The following ADAM9 variants were observed in gnomAD, a reference collection of about 807,000 sequenced individuals.
ADAM9 encodes the protein ADAM metallopeptidase domain 9, also known as disintegrin and metalloproteinase domain-containing protein 9.
ADAM9 carries 54 observed loss-of-function variants against 108.1 expected under a neutral mutation model. That is an observed-to-expected ratio of 0.50 (90% confidence interval 0.40 to 0.63). The LOEUF is 0.63. Among genes scored for constraint, ADAM9 ranks in the 20% least tolerant of loss-of-function variants. ADAM9 has a pLI of 0.00. For missense variants in ADAM9, 830 were observed against 997.7 expected (o/e 0.83, Z 2.26); for synonymous variants, 316 against 336.0 (o/e 0.94, Z 0.65).
At position 38,997,162 on chromosome 8, in the gene ADAM9, T is replaced by C. The variant is rs1196120843; in HGVS notation, c.97+2T>C. The C allele has an allele frequency of 6.3e-7, 1 of 1,596,430 alleles. No individual in the cohort carries two copies. The highest frequency in any genetic ancestry group is 1.3e-5 in the African/African-American group (1 of 74,534). On this transcript the variant is annotated splice_donor_variant, in intron 1 of 21. Coordinates refer to ENST00000487273, the MANE Select transcript of ADAM9 (RefSeq NM_003816.3). LOFTEE classifies it high-confidence loss of function. ...CAGTCCTCGGTGCGGCGCGGCCAGG[T>C]GGGTGTCCGCGCCCCGGGTCGGTTG...
At chr8:39,067,990 C>T (rs556133130) in intron 14 of ADAM9, among the ~76,000 whole-genome samples, 48 of 152,228 alleles carry the variant, frequency 3.2e-4, no homozygotes, top group Non-Finnish European at 5.7e-4. Flanking sequence ...TTTTCTGCAT[C>T]TGTTGAGATA....
At chr8:39,097,862 C>A (rs752730273) in intron 20 of ADAM9, among the ~76,000 whole-genome samples, 2 of 152,124 alleles carry the variant, frequency 1.3e-5, no homozygotes, top group Non-Finnish European at 2.9e-5. Flanking sequence ...TCACAAATGA[C>A]TTTTGTGAAA....
At chr8:39,075,325 T>C (rs1173760982) in intron 15 of ADAM9, among the ~76,000 whole-genome samples, 1 of 152,230 alleles carries the variant, frequency 6.6e-6, no homozygotes, top group Non-Finnish European at 1.5e-5. Flanking sequence ...TTAGTGATAC[T>C]AAGTGGCAAT....
chr8:39,087,961 A>G lies in ADAM9; in HGVS notation c.2069-2086A>G, dbSNP rs116440631. The stretch of plus-strand genomic sequence containing the variant: ...ACCATAGATTTTGTCTGTTATATGT[A>G]TTATATACTGTATTATTATAATAAA... On this transcript the variant is annotated intron_variant, in intron 18 of 21. Coordinates refer to ENST00000487273, the MANE Select transcript of ADAM9 (RefSeq NM_003816.3). Among the ~76,000 whole-genome samples the G allele has an allele frequency of 8.1e-3, 1,237 of 152,278 alleles. 19 individuals are homozygous for G. Among genetic ancestry groups the G allele is most frequent in the African/African-American group, 0.028 (1,182 of 41,532 alleles).
intron 11 of ADAM9, 144 bp downstream of exon 11, chr8:39,026,954 G>A: frequency 3.1e-6 from 3 of 954,008 alleles, no homozygotes; most frequent in Non-Finnish European, 4.6e-6. Flanking sequence ...ATACCAATGA[G>A]AAGTCTTTTT....
intron 15 of ADAM9, among the ~76,000 whole-genome samples, chr8:39,071,754 T>C (rs6474523): frequency 0.79 from 120,726 of 152,132 alleles, 48,098 homozygotes; most frequent in East Asian, 0.94. Flanking sequence ...CGTGAGCCAC[T>C]GTGCCCGGCC....
intron 11 of ADAM9, among the ~76,000 whole-genome samples, chr8:39,029,380 T>A (rs73602703): frequency 1.8e-3 from 275 of 152,288 alleles, no homozygotes; most frequent in African/African-American, 6.3e-3. Context: ...ATAGAGAGGG[T>A]TCCAGGTGAA....
At chr8:39,055,852 A>G in intron 14 of ADAM9, 80 bp downstream of exon 14, 2 of 1,399,992 alleles carry the variant, frequency 1.4e-6, no homozygotes, top group Non-Finnish European at 9.8e-7. Context: ...GTAATGAAAC[A>G]TTATTGATAA....
At chr8:39,076,188 T>A (rs1838845325) in intron 15 of ADAM9, 1 of 152,194 alleles carries the variant, frequency 6.6e-6, no homozygotes, top group African/African-American at 2.4e-5. Context: ...GCACTATGCT[T>A]CAAGAGGCAG....
chr8:39,045,198 GTGTATATATGTGTATACATA>G (rs1837647583), intron 12 of ADAM9, among the ~76,000 whole-genome samples: 1 of 92,054 alleles, frequency 1.1e-5, no homozygotes, highest in Non-Finnish European at 2.6e-5. Context: ...ATACATATAT[GTGTATATATGTGTATACATA>G]CATATATGTG....
chr8:39,016,095 A>G (rs780892383), intron 4 of ADAM9, 23 bp from the exon 5 acceptor site: 2 of 1,600,520 alleles, frequency 1.2e-6, no homozygotes, highest in Middle Eastern at 1.7e-4. Context: ...ATATTTGAAG[A>G]TAATACAGTA....
chr8:39,021,165 G>T (rs1476046197), intron 7 of ADAM9, among the ~76,000 whole-genome samples: 1 of 152,134 alleles, frequency 6.6e-6, no homozygotes, highest in Non-Finnish European at 1.5e-5. Flanking sequence ...TTTTATTCCT[G>T]TCACTACAAT....
rs558444403 is a variant in ADAM9, at chr8:39,028,822, A to G, written c.1130+2012A>G. Among the ~76,000 whole-genome samples, 125 of 152,302 alleles carry G rather than the reference A, an allele frequency of 8.2e-4. 1 individual carries two copies. The highest frequency in any genetic ancestry group is 2.9e-3 in the African/African-American group (121 of 41,576). ...TAGAAGGCGATAAGTGCTATGGGAAATAAAATAGAGCAGAATGTGGAGGAT... is the reference window on the plus strand; with the variant it reads ...TAGAAGGCGATAAGTGCTATGGGAAGTAAAATAGAGCAGAATGTGGAGGAT... On this transcript the variant is annotated intron_variant, in intron 11 of 21. Coordinates refer to ENST00000487273, the MANE Select transcript of ADAM9 (RefSeq NM_003816.3).
At chr8:39,054,445 C>T in intron 12 of ADAM9, 36 bp from the exon 13 acceptor site, 1 of 1,540,416 alleles carries the variant, frequency 6.5e-7, no homozygotes, top group South Asian at 1.1e-5. Flanking sequence ...ATGTCAATTA[C>T]TAATTTCTTT....
At chr8:39,013,542 A>G (rs1367576172) in intron 3 of ADAM9, among the ~76,000 whole-genome samples, 1 of 128,996 alleles carries the variant, frequency 7.8e-6, no homozygotes, top group Non-Finnish European at 1.6e-5. Context: ...TTACTCTGTT[A>G]TCCAGGGTGG....
chr8:39,043,353 A>G (rs576311790), intron 12 of ADAM9, among the ~76,000 whole-genome samples: 97 of 152,182 alleles, frequency 6.4e-4, no homozygotes, highest in Non-Finnish European at 1.3e-3. Context: ...CCTTCGTACT[A>G]TTTTCCATAG....
Position 39,054,340 on chromosome 8 carries a change from ACAGTAAG to A in ADAM9, c.1303-138_1303-132del, listed in dbSNP as rs571007484. On this transcript the variant is annotated intron_variant, in intron 12 of 21. Transcript: ENST00000487273. Reference sequence around the variant, plus strand: ...TGAAGAGACATTGTTAAATCCAGAAACAGTAAGCAACTGTTTCTGGAGGGTAACTGCT... The same window carrying A: ...TGAAGAGACATTGTTAAATCCAGAAACAACTGTTTCTGGAGGGTAACTGCT... 1.1e-4 allele frequency: 77 copies of A among 725,130 alleles called. 1 individual carries two copies. In the South Asian group the frequency reaches 1.1e-3, roughly 11 times the overall value. 44.9% of individuals were successfully genotyped at this position (725,130 alleles called of 1,614,324 possible).
chr8:39,056,824 G>A (rs1018620501), intron 14 of ADAM9, among the ~76,000 whole-genome samples: 4 of 152,068 alleles, frequency 2.6e-5, no homozygotes, highest in African/African-American at 9.7e-5. Flanking sequence ...CTGAACAGAA[G>A]GCCTCTGTTC....
intron 2 of ADAM9, 133 bp downstream of exon 2, chr8:39,008,116 G>A (rs944396392): frequency 6.8e-5 from 46 of 675,312 alleles, no homozygotes; most frequent in Non-Finnish European, 3.4e-5. Context: ...GCACCATATG[G>A]TACTGATGTC....
Sources: allele counts gnomAD v4.1 joint callset (sites outside exome capture counted in the v4.1 genomes callset), GRCh38; gene constraint gnomAD v4.1.1; transcripts MANE v1.5; gene names NCBI Gene and HGNC (gene_info 2026-07-23, HGNC 2026-07-21).